The following CSTPP1 variants were observed in gnomAD, a reference collection of about 807,000 sequenced individuals.
CSTPP1 encodes the protein UPF0705 protein C11orf49.
chr11:46,965,301 C>T, the CSTPP1 span, among the ~76,000 whole-genome samples: 2 of 141,496 alleles, frequency 1.4e-5, no homozygotes, highest in African/African-American at 5.4e-5. Context: ...TCTCGGGTAA[C>T]TCTACCTCCT....
At chr11:47,061,027 AG>A in the CSTPP1 span, among the ~76,000 whole-genome samples, 1 of 152,222 alleles carries the variant, frequency 6.6e-6, no homozygotes, top group African/African-American at 2.4e-5. Flanking sequence ...GCAGAGAAAG[AG>A]TCAAGAATGA....
the CSTPP1 span, among the ~76,000 whole-genome samples, chr11:47,002,223 C>A: frequency 6.6e-6 from 1 of 152,128 alleles, no homozygotes; most frequent in Non-Finnish European, 1.5e-5. Context: ...GTTAAAGCAA[C>A]CCTATCCCCA....
At chr11:47,057,433 A>C in the CSTPP1 span, among the ~76,000 whole-genome samples, 1 of 152,164 alleles carries the variant, frequency 6.6e-6, no homozygotes, top group African/African-American at 2.4e-5. Flanking sequence ...TAAAATAATG[A>C]TAGGTACTTC....
At chr11:47,136,274 C>T in the CSTPP1 span, among the ~76,000 whole-genome samples, 2 of 152,232 alleles carry the variant, frequency 1.3e-5, no homozygotes, top group East Asian at 3.9e-4. Context: ...GGATTTTCTC[C>T]CTTCCCTTCG....
chr11:46,961,006 G>A, the CSTPP1 span, among the ~76,000 whole-genome samples: 1 of 151,994 alleles, frequency 6.6e-6, no homozygotes, highest in South Asian at 2.1e-4. Flanking sequence ...TTCACTACTT[G>A]GATTTTATGA....
the CSTPP1 span, among the ~76,000 whole-genome samples, chr11:46,958,263 G>A: frequency 6.6e-6 from 1 of 152,010 alleles, no homozygotes; most frequent in East Asian, 1.9e-4. Flanking sequence ...GCCTCCCACA[G>A]TGTTGGGATT....
At chr11:47,049,442 G>A in the CSTPP1 span, among the ~76,000 whole-genome samples, 1 of 151,956 alleles carries the variant, frequency 6.6e-6, no homozygotes, top group Non-Finnish European at 1.5e-5. Context: ...TTTGAGACCA[G>A]TCAGGGCAAC....
At chr11:46,936,790 C>T in the CSTPP1 span, 2 of 1,610,378 alleles carry the variant, frequency 1.2e-6, no homozygotes, top group South Asian at 1.1e-5. Flanking sequence ...AGCTTTGAAG[C>T]CACCCCGGTC....
chr11:46,997,977 A>C, the CSTPP1 span, among the ~76,000 whole-genome samples: 1 of 152,158 alleles, frequency 6.6e-6, no homozygotes, highest in African/African-American at 2.4e-5. Flanking sequence ...CCCTACTGGG[A>C]GGTGCTTACC....
At chr11:47,024,426 G>T in the CSTPP1 span, among the ~76,000 whole-genome samples, 1 of 150,872 alleles carries the variant, frequency 6.6e-6, no homozygotes, top group Non-Finnish European at 1.5e-5. Context: ...TTAAAGGTTT[G>T]GCAGGAAGAG....
chr11:47,029,151 A>G, the CSTPP1 span, among the ~76,000 whole-genome samples: 1 of 152,048 alleles, frequency 6.6e-6, no homozygotes, highest in African/African-American at 2.4e-5. Context: ...AGCCACAGAA[A>G]TATATCTTTA....
chr11:46,994,000 G>T, the CSTPP1 span, among the ~76,000 whole-genome samples: 107 of 152,270 alleles, frequency 7.0e-4, 1 homozygote, highest in African/African-American at 2.5e-3. Flanking sequence ...CACATCCCTT[G>T]TAAGTTGGAT....
the CSTPP1 span, chr11:47,137,803 T>C: frequency 4.1e-6 from 6 of 1,454,822 alleles, no homozygotes; most frequent in East Asian, 4.6e-5. Context: ...CTGGAGTGTA[T>C]ACAAATGAAA....
At chr11:47,052,340 C>T in the CSTPP1 span, 1 of 1,563,172 alleles carries the variant, frequency 6.4e-7, no homozygotes, top group Non-Finnish European at 8.6e-7. Flanking sequence ...CTGATTCCAG[C>T]CTTCTGGATT....
chr11:47,139,711 A>G, the CSTPP1 span, among the ~76,000 whole-genome samples: 2 of 151,158 alleles, frequency 1.3e-5, no homozygotes, highest in African/African-American at 4.9e-5. Flanking sequence ...GATGAACCCC[A>G]GTTGAGGGAA....
the CSTPP1 span, chr11:46,936,812 A>G: frequency 6.2e-7 from 1 of 1,610,442 alleles, no homozygotes; most frequent in South Asian, 1.1e-5. Flanking sequence ...AAGGATGCTG[A>G]GTCCGGAGCG....
chr11:46,994,262 C>T, the CSTPP1 span, among the ~76,000 whole-genome samples: 2 of 152,090 alleles, frequency 1.3e-5, no homozygotes, highest in African/African-American at 4.8e-5. Context: ...AATTGAATAC[C>T]CTTTATTTCC....
chr11:47,140,453 C>T, the CSTPP1 span, among the ~76,000 whole-genome samples: 1 of 152,132 alleles, frequency 6.6e-6, no homozygotes, highest in Non-Finnish European at 1.5e-5. Context: ...GACAGAATCT[C>T]ACTCTGTAGC....
chr11:47,012,315 A>C, the CSTPP1 span, among the ~76,000 whole-genome samples: 1 of 152,166 alleles, frequency 6.6e-6, no homozygotes, highest in Non-Finnish European at 1.5e-5. Context: ...ATGGAAATCT[A>C]CTTTCAATAG....
Sources: allele counts gnomAD v4.1 joint callset (sites outside exome capture counted in the v4.1 genomes callset), GRCh38; gene constraint gnomAD v4.1.1; transcripts MANE v1.5; gene names NCBI Gene and HGNC (gene_info 2026-07-23, HGNC 2026-07-21).